DPP8: variants seen among roughly 807,000 people sequenced by gnomAD.
The protein encoded by DPP8 is dipeptidyl peptidase 8, also known as DPP VIII.
In DPP8, 31 loss-of-function variants were observed where a neutral mutation model predicts 107.5. The observed-to-expected ratio is 0.29, with a 90% CI of 0.22 to 0.39. The LOEUF is 0.39. DPP8 is among the 10% of genes least tolerant of loss of function. DPP8 has a pLI of 1.00. For synonymous variants in DPP8, 381 were observed against 356.6 expected (o/e 1.07, Z -0.77); for missense variants, 842 against 1,076.1 (o/e 0.78, Z 3.04).
chr15:65,484,213 C>A (rs754151223), intron 8 of DPP8, among the ~76,000 whole-genome samples: 5 of 151,778 alleles, frequency 3.3e-5, no homozygotes, highest in Non-Finnish European at 7.4e-5. Flanking sequence ...GTAATTCCAA[C>A]TACTCGGGAG....
chr15:65,503,565 C>A (rs1297071230), intron 3 of DPP8, among the ~76,000 whole-genome samples: 2 of 152,090 alleles, frequency 1.3e-5, no homozygotes, highest in South Asian at 4.1e-4. Context: ...CTCAGCCTCA[C>A]AAGTAGCTGG....
intron 4 of DPP8, among the ~76,000 whole-genome samples, chr15:65,500,147 G>A (rs534169504): frequency 6.6e-5 from 10 of 152,012 alleles, no homozygotes; most frequent in Non-Finnish European, 1.5e-4. Flanking sequence ...GGCTGGGCGC[G>A]GTGGCTCATG....
At chr15:65,490,114 C>T (rs138007841) in intron 6 of DPP8, 75 bp downstream of exon 6, 1 of 587,354 alleles carries the variant, frequency 1.7e-6, no homozygotes. Flanking sequence ...AGATTTAGAA[C>T]TGTGCACTTA....
chr15:65,490,326 T>C (rs1174788113), intron 5 of DPP8, 27 bp from the exon 6 acceptor site: 2 of 1,381,734 alleles, frequency 1.4e-6, no homozygotes, highest in African/African-American at 1.4e-5. Flanking sequence ...GGCAAAATTA[T>C]CACAGAAAGC....
intron 14 of DPP8, 110 bp from the exon 15 acceptor site, chr15:65,464,016 C>G (rs542453731): frequency 2.7e-6 from 2 of 749,136 alleles, no homozygotes; most frequent in East Asian, 5.8e-5. Flanking sequence ...ACAAACTGAC[C>G]ACCCCTCTTT....
At chr15:65,449,422 T>A (rs1045740984) in intron 19 of DPP8, among the ~76,000 whole-genome samples, 1 of 151,380 alleles carries the variant, frequency 6.6e-6, no homozygotes, top group African/African-American at 2.4e-5. Context: ...CCCATTTCCT[T>A]TTTTTTAAGA....
chr15:65,500,877 T>TC (rs974741505), intron 3 of DPP8, 98 bp from the exon 4 acceptor site: 8 of 768,442 alleles, frequency 1.0e-5, no homozygotes, highest in Non-Finnish European at 1.6e-5. Flanking sequence ...TTGACTCTTT[T>TC]TTTTTTTTTT....
intron 12 of DPP8, among the ~76,000 whole-genome samples, chr15:65,470,950 A>T (rs1252863292): frequency 7.9e-5 from 12 of 151,992 alleles, no homozygotes; most frequent in Admixed American, 5.9e-4. Context: ...AAAATAGAGA[A>T]GAGGGAAAGA....
intron 12 of DPP8, among the ~76,000 whole-genome samples, chr15:65,473,964 C>T (rs1018063065): frequency 6.6e-6 from 1 of 151,998 alleles, no homozygotes; most frequent in Non-Finnish European, 1.5e-5. Context: ...ATTAGCCGGG[C>T]GTGGTGGCAC....
At chr15:65,456,108 A>T (rs79213569) in intron 16 of DPP8, 117 bp downstream of exon 16, 134 of 1,142,928 alleles carry the variant, frequency 1.2e-4, no homozygotes, top group East Asian at 4.1e-4. Flanking sequence ...TAACACATAC[A>T]CTCTCACTCA....
chr15:65,516,745 C>G (rs773712705), intron 1 of DPP8: 17 of 152,232 alleles, frequency 1.1e-4, no homozygotes, highest in Admixed American at 6.5e-5. Flanking sequence ...TCCACTTAAA[C>G]ACCTAAAGCC....
intron 7 of DPP8, among the ~76,000 whole-genome samples, chr15:65,485,637 A>C (rs1170864140): frequency 6.6e-6 from 1 of 151,728 alleles, no homozygotes; most frequent in African/African-American, 2.4e-5. Flanking sequence ...TGCCAGATCA[A>C]TTCTCTTTAC....
At chr15:65,470,934 AGAGGGAAAATAGAG>A (rs2065836249) in intron 12 of DPP8, among the ~76,000 whole-genome samples, 1 of 151,514 alleles carries the variant, frequency 6.6e-6, no homozygotes, top group African/African-American at 2.4e-5. Context: ...AAAAAAAAAA[AGAGGGAAAATAGAG>A]AAGAGGGAAA....
chr15:65,494,354 C>T (rs567812386), intron 5 of DPP8, among the ~76,000 whole-genome samples: 1 of 151,566 alleles, frequency 6.6e-6, no homozygotes, highest in East Asian at 1.9e-4. Flanking sequence ...AACTGAGAAA[C>T]GGGTGCATGA....
chr15:65,455,977 C>A, intron 16 of DPP8: 1 of 863,318 alleles, frequency 1.2e-6, no homozygotes, highest in Non-Finnish European at 1.7e-6. Flanking sequence ...AAATTCTACC[C>A]AAGTGGACAT....
intron 8 of DPP8, 132 bp downstream of exon 8, chr15:65,484,967 C>G: frequency 2.8e-6 from 2 of 719,450 alleles, no homozygotes; most frequent in South Asian, 3.3e-5. Context: ...TTAGGTCAAT[C>G]TAAAATCATG....
chr15:65,487,434 C>T (rs1328116073), intron 7 of DPP8, among the ~76,000 whole-genome samples: 3 of 152,182 alleles, frequency 2.0e-5, no homozygotes, highest in Non-Finnish European at 4.4e-5. Context: ...CAGACGTGAG[C>T]TACCACGCCC....
At chr15:65,514,008 T>A (rs377758855) in intron 1 of DPP8, among the ~76,000 whole-genome samples, 135 of 152,330 alleles carry the variant, frequency 8.9e-4, no homozygotes, top group African/African-American at 3.1e-3. Context: ...TAATAATAAA[T>A]ACAAGGCTGT....
At chr15:65,486,120 A>T (rs1471552473) in intron 7 of DPP8, among the ~76,000 whole-genome samples, 2 of 123,582 alleles carry the variant, frequency 1.6e-5, no homozygotes, top group African/African-American at 6.2e-5. Flanking sequence ...CACAAAAAAA[A>T]CGGCCGGGCG....
Sources: allele counts gnomAD v4.1 joint callset (sites outside exome capture counted in the v4.1 genomes callset), GRCh38; gene constraint gnomAD v4.1.1; transcripts MANE v1.5; gene names NCBI Gene and HGNC (gene_info 2026-07-23, HGNC 2026-07-21).